Variants in ITIH6 observed in about 807,000 individuals in gnomAD.
ITIH6 encodes inter-alpha-trypsin inhibitor heavy chain H6.
A neutral mutation model predicts 58.2 loss-of-function variants in ITIH6; 60 were observed. The ratio of observed to expected loss-of-function variants is 1.03; its 90% CI spans 0.84 to 1.28. The LOEUF is 1.28. Among genes scored for constraint, ITIH6 ranks in the 50% most tolerant of loss-of-function variants. The pLI is 0.00. For missense variants in ITIH6, 1,290 were observed against 1,021.1 expected (o/e 1.26, Z -3.59); for synonymous variants, 493 against 417.4 (o/e 1.18, Z -2.21).
rs1389466797 is a variant in ITIH6 at position 54,796,018 on chromosome X, C to T, written c.257+924G>A. ...TAGCTGAGACTATAGGCATGCACCA[C>T]CACACCCTGCTAATTTTTATTTTTT... On this transcript the variant is annotated intron_variant, in intron 2 of 12. Coordinates refer to ENST00000218436, the MANE Select transcript of ITIH6 (RefSeq NM_198510.3). 4.5e-5 allele frequency among the ~76,000 whole-genome samples: 5 copies of T among 111,452 alleles called. No individual in the cohort carries two copies. In the South Asian group the frequency reaches 1.9e-3, roughly 43 times the overall value.
In ITIH6 at chrX:54,758,116, A is replaced by C; in HGVS notation, c.1958T>G (p.Val653Gly). 8.3e-7 allele frequency: 1 copy of C among 1,211,729 alleles called. No individual in the cohort carries two copies. Among genetic ancestry groups the C allele is most frequent in the Non-Finnish European group, 1.1e-6 (1 of 895,486 alleles). ...LGVSTAQPALVPKVISPKSRP... is the reference protein window; with the variant it reads ...LGVSTAQPALGPKVISPKSRP... ...TGATTTGGGGGAGATGACCTTGGGC[A>C]CCAAGGCTGGCTGAGCTGTGCTTAC... The change falls in exon 8 of 13, where the codon GTG (valine) becomes GGG (glycine). Residue 653 changes from valine (V) to glycine (G), a missense_variant. Transcript: ENST00000218436.
At chrX:54,778,441 C>T (rs1365519875) in intron 5 of ITIH6, among the ~76,000 whole-genome samples, 5 of 111,394 alleles carry the variant, frequency 4.5e-5, no homozygotes, top group Non-Finnish European at 7.5e-5. Context: ...GTGGTCCACC[C>T]GTCTCAGCAT....
At position 54,755,008 on chromosome X, in the gene ITIH6, C is replaced by A. The variant is rs60182706; in HGVS notation, c.3202+9G>T. ...CAGGGGATCTTTGTCAGGAGAGCTC[C>A]TTGCTCACCTTTTGCTAACCCCACA... is the stretch of plus-strand genomic sequence containing the variant. On this transcript the variant is annotated intron_variant, in intron 9 of 12. Transcript: ENST00000218436. The A allele has an allele frequency of 2.0e-3, 2,341 of 1,185,654 alleles. 39 individuals are homozygous for A. The African/African-American group carries it at 0.036, about 18-fold the overall frequency.
At chrX:54,770,223 C>T (rs1239321938) in intron 6 of ITIH6, among the ~76,000 whole-genome samples, 2 of 112,863 alleles carry the variant, frequency 1.8e-5, no homozygotes, top group Non-Finnish European at 3.8e-5. Context: ...GGCAATGCCT[C>T]GCCCTGCTTC....
At position 54,797,045 on chromosome X, in the gene ITIH6, G is replaced by A; in HGVS notation, c.154C>T (p.His52Tyr). The A allele has an allele frequency of 2.5e-6, 3 of 1,209,525 alleles. No individual in the cohort carries two copies. The South Asian group carries it at 5.3e-5, about 21-fold the overall frequency. ...MRSTVVSRYAHTLVTSVLFNP... is the reference protein window; with the variant it reads ...MRSTVVSRYAYTLVTSVLFNP... ...AACAGGACAGAGGTGACCAAGGTGT[G>A]GGCATAGCGAGACACCACCGTGGAG... The change falls in exon 2 of 13, where the codon CAC (histidine) becomes TAC (tyrosine). Residue 52 changes from histidine (H) to tyrosine (Y), a missense_variant. Physicochemically the swap from His to Tyr is moderately conservative, Grantham distance 83. Transcript: ENST00000218436.
At position 54,798,147 on chromosome X, in the gene ITIH6, A is replaced by G. The variant is rs375004507; in HGVS notation, c.64T>C (p.Tyr22His). The G allele has an allele frequency of 4.8e-5, 57 of 1,189,515 alleles. No individual in the cohort carries two copies. The highest frequency in any genetic ancestry group is 6.4e-5 in the Non-Finnish European group (57 of 885,047). Residue 22 changes from tyrosine (Y) to histidine (H), a missense_variant, in exon 1 of 13, where the codon TAC (tyrosine) becomes CAC (histidine). Transcript: ENST00000218436. ...FLLTILLELTYQGPPVPASSS... is the reference protein window; with the variant it reads ...FLLTILLELTHQGPPVPASSS... Reference sequence around the variant, plus strand: ...GAAGCGGGGACAGGGGGTCCCTGGTATGTCAGTTCAAGAAGAATGGTCAGC... The same window carrying G: ...GAAGCGGGGACAGGGGGTCCCTGGTGTGTCAGTTCAAGAAGAATGGTCAGC...
rs750178200 is a variant in ITIH6 at position 54,790,984 on chromosome X, C to T, written c.469G>A (p.Gly157Ser). 2 of 1,210,930 alleles carry T rather than the reference C, an allele frequency of 1.7e-6. No individual in the cohort carries two copies. The highest frequency in any genetic ancestry group is 1.7e-5 in the African/African-American group (1 of 57,503). Residue 157 changes from glycine to serine, a missense_variant, in exon 4 of 13, where the codon GGC becomes AGC. Transcript: ENST00000218436. Reference sequence around the variant, plus strand: ...AGGCTCACCACCAGCTGGTACTGGCCCTGGTGCCGCTGAAGCAGTTCCTCA... The same window carrying T: ...AGGCTCACCACCAGCTGGTACTGGCTCTGGTGCCGCTGAAGCAGTTCCTCA... ...AYEELLQRHQ[G>S]QYQLVVSLRP... is the part of the protein sequence containing the mutation.
Position 54,766,118 on chromosome X carries a change from A to C in ITIH6, c.904-6191T>G, listed in dbSNP as rs1427564949. Among the ~76,000 whole-genome samples the C allele has an allele frequency of 6.3e-5, 7 of 110,628 alleles. No individual in the cohort carries two copies. The East Asian group carries it at 2.0e-3, about 32-fold the overall frequency. On this transcript the variant is annotated intron_variant, in intron 6 of 12. Coordinates refer to ENST00000218436, the MANE Select transcript of ITIH6 (RefSeq NM_198510.3). The stretch of plus-strand genomic sequence containing the variant: ...GAAGAGGTCCTTCACATCCCTTGTA[A>C]GTTGGATTCCTAGGTATTTCATTCT...
rs770721941 is a variant in ITIH6 at position 54,789,300 on chromosome X, A to G, written c.617-651T>C. Among the ~76,000 whole-genome samples, 138 of 111,594 alleles carry G rather than the reference A, an allele frequency of 1.2e-3. 1 individual carries two copies. The highest frequency in any genetic ancestry group is 4.0e-3 in the African/African-American group (122 of 30,665). ...TCAACTCCTCTGGAATCCAAGACAA[A>G]TGTCCATTTAGAAATGTCACTGTGC... is the stretch of plus-strand genomic sequence containing the variant. On this transcript the variant is annotated intron_variant, in intron 4 of 12. Coordinates refer to ENST00000218436, the MANE Select transcript of ITIH6 (RefSeq NM_198510.3).
intron 7 of ITIH6, 68 bp from the exon 8 acceptor site, chrX:54,759,066 G>A (rs998795824): frequency 6.2e-6 from 5 of 801,393 alleles, no homozygotes; most frequent in Non-Finnish European, 6.9e-6. Flanking sequence ...GACACACTGG[G>A]CACCTCATCA....
intron 5 of ITIH6, among the ~76,000 whole-genome samples, chrX:54,776,540 A>C (rs1045422464): frequency 5.5e-5 from 6 of 109,766 alleles, no homozygotes; most frequent in African/African-American, 1.7e-4. Flanking sequence ...AGACCCCTTC[A>C]TTCTGCTTGA....
chrX:54,754,047 G>A, intron 9 of ITIH6, 82 bp from the exon 10 acceptor site: 1 of 978,697 alleles, frequency 1.0e-6, no homozygotes. Flanking sequence ...CCCAGATAAG[G>A]GCCAAATTCC....
At chrX:54,753,313 A>G (rs1041823375) in intron 11 of ITIH6, among the ~76,000 whole-genome samples, 1 of 112,751 alleles carries the variant, frequency 8.9e-6, no homozygotes. Context: ...GGCTGCTATC[A>G]TTGCTTATCT....
chrX:54,751,319 A>G lies in ITIH6; in HGVS notation c.3414T>C (p.Thr1138=), dbSNP rs755171349. The change falls in exon 12 of 13, where the codon ACT becomes ACC. Residue 1138 remains threonine, a synonymous_variant. Coordinates refer to ENST00000218436, the MANE Select transcript of ITIH6 (RefSeq NM_198510.3). ...APPRPGHKDQ[T]RTYFQIITVT... The stretch of plus-strand genomic sequence containing the variant: ...CTGTGATGATCTGGAAGTAGGTGCG[A>G]GTCTGGTCCTTGTGGCCCGGCCTTG... 1.7e-6 allele frequency: 2 copies of G among 1,210,178 alleles called. No homozygotes were observed. Among genetic ancestry groups the G allele is most frequent in the Admixed American group, 4.4e-5 (2 of 45,878 alleles).
intron 2 of ITIH6, among the ~76,000 whole-genome samples, chrX:54,795,484 AG>A (rs1569544391): frequency 9.0e-6 from 1 of 111,714 alleles, no homozygotes; most frequent in Non-Finnish European, 1.9e-5. Context: ...GTGAGACCCA[AG>A]GAGGTGCTCT....
Position 54,797,046 on chromosome X carries a change from G to C in ITIH6, c.153C>G (p.Ala51=). Reference sequence around the variant, plus strand: ...ACAGGACAGAGGTGACCAAGGTGTGGGCATAGCGAGACACCACCGTGGAGC... The same window carrying C: ...ACAGGACAGAGGTGACCAAGGTGTGCGCATAGCGAGACACCACCGTGGAGC... The part of the protein sequence containing the change: ...SMRSTVVSRY[A]HTLVTSVLFN... Residue 51 remains alanine, a synonymous_variant, in exon 2 of 13, where the codon GCC becomes GCG. Transcript: ENST00000218436. The C allele has an allele frequency of 1.7e-6, 2 of 1,209,609 alleles. No homozygotes were observed. Among genetic ancestry groups the C allele is most frequent in the Non-Finnish European group, 2.2e-6 (2 of 893,895 alleles).
intron 5 of ITIH6, among the ~76,000 whole-genome samples, chrX:54,778,960 C>T (rs1003020963): frequency 8.9e-6 from 1 of 112,355 alleles, no homozygotes; most frequent in African/African-American, 3.2e-5. Context: ...ACCTTTAAGG[C>T]TGAGAGAGTG....
chrX:54,797,960 T>G (rs144972809), intron 1 of ITIH6, 149 bp downstream of exon 1: 105 of 442,219 alleles, frequency 2.4e-4, no homozygotes, highest in African/African-American at 2.1e-3. Context: ...GCACCTGACA[T>G]GTGCTCAGCA....
chrX:54,762,840 G>T (rs886764888), intron 6 of ITIH6, among the ~76,000 whole-genome samples: 2 of 112,503 alleles, frequency 1.8e-5, no homozygotes, highest in Non-Finnish European at 3.8e-5. Context: ...TCAGGGAATA[G>T]AGTGTGTAGG....
Sources: allele counts gnomAD v4.1 joint callset (sites outside exome capture counted in the v4.1 genomes callset), GRCh38; gene constraint gnomAD v4.1.1; transcripts MANE v1.5; gene names NCBI Gene and HGNC (gene_info 2026-07-23, HGNC 2026-07-21).